The following TET3 variants were observed in gnomAD, a reference collection of about 807,000 sequenced individuals.
TET3 encodes the protein methylcytosine dioxygenase TET3.
In TET3, 19 loss-of-function variants were observed where a neutral mutation model predicts 141.4. The ratio of observed to expected loss-of-function variants is 0.13; its 90% CI spans 0.09 to 0.20. TET3 has a LOEUF of 0.20. TET3 is among the 10% of genes least tolerant of loss of function. The probability of loss-of-function intolerance (pLI) is 1.00; values close to 1 mark genes in which losing one functional copy is unlikely to be tolerated. For missense variants in TET3, 1,874 were observed against 2,356.9 expected (o/e 0.80, Z 4.24); for synonymous variants, 1,043 against 980.9 (o/e 1.06, Z -1.18).
At chr2:74,014,353 T>C (rs962346055) in intron 3 of TET3, among the ~76,000 whole-genome samples, 4 of 152,164 alleles carry the variant, frequency 2.6e-5, no homozygotes, top group Non-Finnish European at 5.9e-5. Context: ...TTCGATGATA[T>C]ACCCAGCATG....
Position 74,088,258 on chromosome 2 carries a change from C to A in TET3, c.2888+220C>A, listed in dbSNP as rs73948996. Among the ~76,000 whole-genome samples, 1,434 of 152,268 alleles carry A rather than the reference C, an allele frequency of 9.4e-3. 27 individuals are homozygous for A. Among genetic ancestry groups the A allele is most frequent in the African/African-American group, 0.033 (1,379 of 41,550 alleles). On this transcript the variant is annotated intron_variant, in intron 7 of 11. Transcript: ENST00000409262. ...AGAGGGTCTACTAGTTTGACTTCAC[C>A]GTTAAACCCCAGGTCGATAACACTG...
At chr2:74,010,792 A>G (rs921503311) in intron 3 of TET3, among the ~76,000 whole-genome samples, 8 of 152,232 alleles carry the variant, frequency 5.3e-5, no homozygotes, top group Admixed American at 5.2e-4. Context: ...AGAGTTTGCA[A>G]AAGTGAAGAC....
intron 3 of TET3, among the ~76,000 whole-genome samples, chr2:74,016,459 C>T (rs1044250475): frequency 6.6e-6 from 1 of 152,142 alleles, no homozygotes; most frequent in Admixed American, 6.5e-5. Flanking sequence ...GTGGCTCTTA[C>T]ACCTGTAATA....
Position 74,104,952 on chromosome 2 carries a change from CACT to C in TET3, c.*2779_*2781del, listed in dbSNP as rs968911425. The C allele has an allele frequency of 1.8e-5, 7 of 385,910 alleles. No homozygotes were observed. The highest frequency in any genetic ancestry group is 3.2e-5 in the Non-Finnish European group (7 of 218,806). 23.9% of individuals were successfully genotyped at this position (385,910 alleles called of 1,614,324 possible). ...GTGCTCAAGCCCATGCTGATTTGTACACTACATGTCTAACCTACCTCAAATCTC... is the reference window on the plus strand; with the variant it reads ...GTGCTCAAGCCCATGCTGATTTGTACACATGTCTAACCTACCTCAAATCTC... On this transcript the variant is annotated 3_prime_UTR_variant, in exon 12 of 12. Transcript: ENST00000409262.
intron 4 of TET3, among the ~76,000 whole-genome samples, chr2:74,055,847 C>G (rs1475626737): frequency 6.6e-6 from 1 of 152,190 alleles, no homozygotes; most frequent in East Asian, 1.9e-4. Context: ...GAGACCTGAG[C>G]TGGCACACCC....
At chr2:74,002,688 G>A (rs958621130) in intron 2 of TET3, 49 of 423,530 alleles carry the variant, frequency 1.2e-4, no homozygotes, top group African/African-American at 8.7e-4. Flanking sequence ...GCGGGGAGGG[G>A]AGCGCAGCCG....
rs763917193 is a variant in TET3 at position 74,046,606 on chromosome 2, G to A, written c.689G>A (p.Arg230His). The A allele has an allele frequency of 6.2e-6, 10 of 1,613,920 alleles. No homozygotes were observed. Among genetic ancestry groups the A allele is most frequent in the South Asian group, 1.1e-5 (1 of 91,092 alleles). Residue 230 changes from arginine to histidine, a missense_variant, in exon 4 of 12, where the codon CGT becomes CAT. Physicochemically the swap from Arg to His is conservative, Grantham distance 29. Transcript: ENST00000409262. The surrounding 1 kb of genome is among the most constrained non-coding windows in gnomAD (Gnocchi z 4.3). ...LYETFNREMS[R>H]EAGNNSRGPR... ...GAAACCTTCAACCGTGAGATGAGTC[G>A]TGAGGCTGGGAACAACAGCAGGGGA...
chr2:74,064,094 G>A (rs1356712248), intron 4 of TET3, among the ~76,000 whole-genome samples: 2 of 152,146 alleles, frequency 1.3e-5, no homozygotes, highest in Non-Finnish European at 1.5e-5. Context: ...GTTGGAAGAA[G>A]TGTGAGCATA....
At chr2:74,028,542 C>T (rs566432382) in intron 3 of TET3, among the ~76,000 whole-genome samples, 1 of 152,118 alleles carries the variant, frequency 6.6e-6, no homozygotes, top group Non-Finnish European at 1.5e-5. Flanking sequence ...AACCAGTTGT[C>T]CCAATTAAAA....
intron 3 of TET3, among the ~76,000 whole-genome samples, chr2:74,045,169 A>T (rs1408619018): frequency 6.6e-6 from 1 of 152,246 alleles, no homozygotes; most frequent in Non-Finnish European, 1.5e-5. Context: ...GCAATGTCTT[A>T]CATCAAGAGG....
At position 74,004,761 on chromosome 2, in the gene TET3, A is replaced by G. The variant is rs183966373; in HGVS notation, c.360+1595A>G. Among the ~76,000 whole-genome samples the G allele has an allele frequency of 1.1e-4, 16 of 151,638 alleles. No homozygotes were observed. In the East Asian group the frequency reaches 3.1e-3, roughly 29 times the overall value. ...CACCTCAAGTTGGCTCTCACTACAC[A>G]CTCTTTTCTACAGCCTTCTCTGGAG... On this transcript the variant is annotated intron_variant, in intron 3 of 11. Coordinates refer to ENST00000409262, the MANE Select transcript of TET3 (RefSeq NM_001287491.2).
intron 3 of TET3, among the ~76,000 whole-genome samples, chr2:74,012,768 A>C (rs745784006): frequency 6.6e-4 from 101 of 152,184 alleles, no homozygotes; most frequent in Admixed American, 4.5e-3. Context: ...TTTTACACTT[A>C]AGTGTGGGTA....
the TET3 span, chr2:74,135,266 C>G: frequency 4.3e-6 from 2 of 466,428 alleles, no homozygotes; most frequent in African/African-American, 3.9e-5. Flanking sequence ...TGAGCAGTTT[C>G]GTGGAGGGGA....
downstream of TET3, among the ~76,000 whole-genome samples, chr2:74,109,878 G>A (rs1691662095): frequency 6.6e-6 from 1 of 152,124 alleles, no homozygotes; most frequent in Non-Finnish European, 1.5e-5. Context: ...TGTACACCAA[G>A]GTTTATTAGC....
chr2:74,091,338 G>A (rs750762564), intron 8 of TET3, among the ~76,000 whole-genome samples: 1 of 152,216 alleles, frequency 6.6e-6, no homozygotes, highest in Non-Finnish European at 1.5e-5. Context: ...CACTTCCTGT[G>A]CTCTTACGAT....
downstream of TET3, among the ~76,000 whole-genome samples, chr2:74,109,469 C>T (rs1691650173): frequency 2.0e-5 from 3 of 152,128 alleles, no homozygotes; most frequent in Admixed American, 6.5e-5. Context: ...TAAATAGTTG[C>T]CTAGCAATGT....
At chr2:73,994,248 C>G (rs1169718144) in intron 2 of TET3, among the ~76,000 whole-genome samples, 4 of 152,118 alleles carry the variant, frequency 2.6e-5, no homozygotes, top group Non-Finnish European at 5.9e-5. Context: ...ACATGCAGGA[C>G]AGTTGAAGGA....
Position 74,102,097 on chromosome 2 carries a change from C to T in TET3, c.5309C>T (p.Ala1770Val). ...KGVVPTRQAL[A>V]VPTDSAVTVS... ...GTCGTCCCCACCCGGCAGGCACTGG[C>T]TGTGCCCACAGACTCGGCGGTCACC... Residue 1770 changes from alanine to valine, a missense_variant, in exon 12 of 12, where the codon GCT (alanine) becomes GTT (valine). By Grantham distance (64) the Ala-to-Val change is moderately conservative (BLOSUM62 0). Around this residue, in one of 10 missense-constraint regions of TET3, gnomAD observed 113 missense variants for 114.3 expected, o/e 0.99. Transcript: ENST00000409262. The T allele has an allele frequency of 6.7e-7, 1 of 1,502,062 alleles. No homozygotes were observed. The allele number at this position is 1,502,062 out of a possible 1,614,324, so 93.0% of individuals were successfully genotyped here.
chr2:74,134,914 C>T, the TET3 span: 1 of 373,300 alleles, frequency 2.7e-6, no homozygotes, highest in Non-Finnish European at 5.5e-6. Context: ...CTCGGTGTGA[C>T]TTGCTCCCAA....
Sources: gnomAD v4.1 joint callset for allele counts (sites outside exome capture counted in the v4.1 genomes callset) on GRCh38, gnomAD v4.1.1 for gene constraint, gnomAD v4.1.1 regional missense constraint, Gnocchi (gnomAD v3.1) non-coding constraint, MANE v1.5 for transcripts, NCBI Gene and HGNC (gene_info 2026-07-23, HGNC 2026-07-21) for gene names.